The following ZNF41 variants were observed in gnomAD, a reference collection of about 807,000 sequenced individuals.
ZNF41 encodes the protein zinc finger protein 41.
A neutral mutation model predicts 9.3 loss-of-function variants in ZNF41; 6 were observed. The ratio of observed to expected loss-of-function variants is 0.65; its 90% CI spans 0.35 to 1.28. The LOEUF (loss-of-function observed/expected upper bound fraction) is 1.28. Among genes scored for constraint, ZNF41 ranks in the 50% most tolerant of loss-of-function variants. The probability of loss-of-function intolerance (pLI) is 0.03; values close to 1 mark genes in which losing one functional copy is unlikely to be tolerated. For synonymous variants in ZNF41, 192 were observed against 207.1 expected (o/e 0.93, Z 0.63); for missense variants, 523 against 585.8 (o/e 0.89, Z 1.11).
intron 4 of ZNF41, 117 bp from the exon 5 acceptor site, chrX:47,449,591 T>A: frequency 1.2e-6 from 1 of 802,336 alleles, no homozygotes; most frequent in South Asian, 2.5e-5. Flanking sequence ...TAGGACAATA[T>A]AGTAGTAATA....
At chrX:47,467,364 T>A in intron 2 of ZNF41, 46 bp downstream of exon 2, 1 of 1,169,898 alleles carries the variant, frequency 8.5e-7, no homozygotes, top group South Asian at 1.9e-5. Flanking sequence ...TCAGGGTATC[T>A]CTTCACTGAA....
At chrX:47,455,832 T>A (rs1488144482) in intron 4 of ZNF41, 89 bp downstream of exon 4, 1 of 881,571 alleles carries the variant, frequency 1.1e-6, no homozygotes, top group East Asian at 3.2e-5. Context: ...AGATGGGTTA[T>A]CTTCAGAGTG....
chrX:47,456,207 G>T, intron 3 of ZNF41, 65 bp downstream of exon 3: 2 of 1,181,689 alleles, frequency 1.7e-6, no homozygotes, highest in Non-Finnish European at 2.3e-6. Context: ...TAGGTGTCGG[G>T]CAGCACTCAG....
At chrX:47,459,428 T>C (rs758531854) in intron 2 of ZNF41, among the ~76,000 whole-genome samples, 10 of 108,273 alleles carry the variant, frequency 9.2e-5, no homozygotes, top group Middle Eastern at 4.7e-3. Flanking sequence ...AGGCAGATAG[T>C]GAGGAAAAAT....
chrX:47,472,295 A>G (rs191390512), intron 1 of ZNF41, among the ~76,000 whole-genome samples: 2 of 111,313 alleles, frequency 1.8e-5, no homozygotes, highest in East Asian at 5.6e-4. Flanking sequence ...AGGAAATACT[A>G]CACAGCAATG....
At chrX:47,474,070 T>C in intron 1 of ZNF41, among the ~76,000 whole-genome samples, 1 of 112,308 alleles carries the variant, frequency 8.9e-6, no homozygotes, top group Middle Eastern at 4.6e-3. Flanking sequence ...ATCTATAATA[T>C]GGAATACTAC....
At chrX:47,457,978 C>A (rs906947032) in intron 2 of ZNF41, among the ~76,000 whole-genome samples, 1 of 112,105 alleles carries the variant, frequency 8.9e-6, no homozygotes, top group Non-Finnish European at 1.9e-5. Flanking sequence ...GTGTTATATA[C>A]TGAGAGGGGC....
rs763525540 is a variant in ZNF41 at position 47,448,286 on chromosome X, T to C, written c.1484A>G (p.Tyr495Cys). Residue 495 changes from tyrosine to cysteine, a missense_variant, in exon 5 of 5, where the codon TAT (tyrosine) becomes TGT (cysteine). Transcript: ENST00000684689. Reference sequence around the variant, plus strand: ...GACCTTTCCACATTCTGTACATATATAGGGTTTCTCTCCGGTGTGAATTCT... The same window carrying C: ...GACCTTTCCACATTCTGTACATATACAGGGTTTCTCTCCGGTGTGAATTCT... ...HQRIHTGEKP[Y>C]ICTECGKVFT... 9.9e-6 allele frequency: 12 copies of C among 1,211,467 alleles called. No homozygotes were observed. The Middle Eastern group carries it at 6.9e-4, about 70-fold the overall frequency.
chrX:47,469,086 C>T (rs1348806438), intron 1 of ZNF41, among the ~76,000 whole-genome samples: 4 of 108,027 alleles, frequency 3.7e-5, no homozygotes, highest in African/African-American at 6.7e-5. Context: ...CCGAGGCGGG[C>T]GGATCACGAG....
chrX:47,469,082 C>T lies in ZNF41; in HGVS notation c.-279-1322G>A, dbSNP rs775683897. ...ATCCCAGCACTTTGGGAGGCCGAGG[C>T]GGGCGGATCACGAGGTCAGGAGATC... On this transcript the variant is annotated intron_variant, in intron 1 of 4. Coordinates refer to ENST00000684689, the MANE Select transcript of ZNF41 (RefSeq NM_001324144.2). Among the ~76,000 whole-genome samples, 1,004 of 108,516 alleles carry T rather than the reference C, an allele frequency of 9.3e-3. 12 individuals are homozygous for T. Among genetic ancestry groups the T allele is most frequent in the Middle Eastern group, 0.028 (6 of 216 alleles). 94.2% of individuals were successfully genotyped at this position (108,516 alleles called of 115,157 possible).
Position 47,481,389 on chromosome X carries a change from A to G in ZNF41, c.-280+1706T>C, listed in dbSNP as rs192110508. Among the ~76,000 whole-genome samples, 265 of 112,029 alleles carry G rather than the reference A, an allele frequency of 2.4e-3. 3 individuals are homozygous for G. The highest frequency in any genetic ancestry group is 3.5e-3 in the Non-Finnish European group (184 of 53,159). ...GAGGTTGAGGCTGCAATGAGCCATG[A>G]TGGTTTCACTGCACTCCAGCCTAGG... is the stretch of plus-strand genomic sequence containing the variant. On this transcript the variant is annotated intron_variant, in intron 1 of 4. Transcript: ENST00000684689.
At chrX:47,471,214 T>C (rs2057181298) in intron 1 of ZNF41, among the ~76,000 whole-genome samples, 1 of 110,891 alleles carries the variant, frequency 9.0e-6, no homozygotes, top group African/African-American at 3.3e-5. Context: ...TTTGGGAGAC[T>C]GAGGTGGGTG....
intron 2 of ZNF41, among the ~76,000 whole-genome samples, chrX:47,464,003 C>T (rs2056903805): frequency 9.0e-6 from 1 of 111,187 alleles, no homozygotes; most frequent in South Asian, 3.7e-4. Flanking sequence ...GTTGCTTGTC[C>T]CTCAGGCTCA....
intron 1 of ZNF41, among the ~76,000 whole-genome samples, chrX:47,471,209 GA>G (rs1044544427): frequency 1.4e-4 from 15 of 111,092 alleles, no homozygotes; most frequent in African/African-American, 4.9e-4. Flanking sequence ...AACACTTTGG[GA>G]GACTGAGGTG....
intron 4 of ZNF41, among the ~76,000 whole-genome samples, chrX:47,450,314 G>C (rs2056314160): frequency 9.0e-6 from 1 of 110,857 alleles, no homozygotes; most frequent in Non-Finnish European, 1.9e-5. Context: ...GGGTTCAAGT[G>C]GTTCGCCTGC....
chrX:47,469,870 T>C (rs750794964), intron 1 of ZNF41, among the ~76,000 whole-genome samples: 4 of 110,163 alleles, frequency 3.6e-5, no homozygotes, highest in South Asian at 7.7e-4. Flanking sequence ...AGAGACTGTC[T>C]CAAAAAAACA....
chrX:47,448,968 C>T lies in ZNF41; in HGVS notation c.802G>A (p.Glu268Lys). ...CATTCAGTACACACATAAAGCTTCT[C>T]CTCAGGATGAATTTTCTGATGGTGG... ...PTHHQKIHPE[E>K]KLYVCTECVM... The change falls in exon 5 of 5, where the codon GAG becomes AAG. Residue 268 changes from glutamate to lysine, a missense_variant. Physicochemically the swap from Glu to Lys is moderately conservative, Grantham distance 56 (BLOSUM62 1). Transcript: ENST00000684689. 1 of 1,211,523 alleles carries T rather than the reference C, an allele frequency of 8.3e-7. No individual in the cohort carries two copies. Among genetic ancestry groups the T allele is most frequent in the Non-Finnish European group, 1.1e-6 (1 of 895,473 alleles).
intron 1 of ZNF41, among the ~76,000 whole-genome samples, chrX:47,472,584 G>A (rs1393826656): frequency 4.6e-5 from 5 of 109,152 alleles, no homozygotes; most frequent in Non-Finnish European, 9.5e-5. Flanking sequence ...GACTACAGGC[G>A]TGCGCCACCA....
At chrX:47,476,726 G>C (rs2057340423) in intron 1 of ZNF41, 1 of 110,271 alleles carries the variant, frequency 9.1e-6, no homozygotes, top group Non-Finnish European at 1.9e-5. Context: ...AAGTGGTGCA[G>C]CCGTTTTGGA....
Sources: gnomAD v4.1 joint callset for allele counts (sites outside exome capture counted in the v4.1 genomes callset) on GRCh38, gnomAD v4.1.1 for gene constraint, MANE v1.5 for transcripts, NCBI Gene and HGNC (gene_info 2026-07-23, HGNC 2026-07-21) for gene names.